The following APPL2 variants were observed in gnomAD, a reference collection of about 807,000 sequenced individuals.
The protein encoded by APPL2 is adaptor protein, phosphotyrosine interacting with PH domain and leucine zipper 2, also known as DCC-interacting protein 13-beta.
In APPL2, 84 loss-of-function variants were observed where a neutral mutation model predicts 92.7. That is an observed-to-expected ratio of 0.91 (90% CI 0.76 to 1.09). The LOEUF is 1.09. APPL2 is among the 50% of genes least tolerant of loss of function. The pLI, the probability that APPL2 is intolerant of heterozygous loss-of-function variation, is 0.00. For missense variants in APPL2, 736 were observed against 824.5 expected, an observed-to-expected ratio of 0.89 and a Z score of 1.31; for synonymous variants, 291 against 291.0, an observed-to-expected ratio of 1.00 and a Z score of 0.00.
rs761189842 is a variant in APPL2 at position 105,190,092 on chromosome 12, G to A, written c.1305C>T (p.Ala435=). 7.5e-5 allele frequency: 121 copies of A among 1,614,028 alleles called. No individual in the cohort carries two copies. The highest frequency in any genetic ancestry group is 9.9e-5 in the Non-Finnish European group (117 of 1,180,032). Residue 435 remains alanine, a synonymous_variant, in exon 15 of 21, where the codon GCC becomes GCT. Transcript: ENST00000258530. The part of the protein sequence containing the change: ...ENDKIVPKAT[A]SLPEAEELIA... ...TCAGCTCCTCTGCTTCAGGTAGACT[G>A]GCTGTTGCTTTGGGAACAATCTTGT...
chr12:105,203,767 CCTT>C lies in APPL2; in HGVS notation c.637_639del (p.Lys213del), dbSNP rs1282579736. The C allele has an allele frequency of 6.2e-7, 1 of 1,613,664 alleles. No individual in the cohort carries two copies. The highest frequency in any genetic ancestry group is 2.2e-5 in the East Asian group (1 of 44,900). ...ATACGTTTGGAAAACATCTCTGCTC[CCTT>C]CTTAAAAAAGTTAATCTGAAAGATA... On this transcript the variant is annotated inframe_deletion, in exon 9 of 21. Coordinates refer to ENST00000258530, the MANE Select transcript of APPL2 (RefSeq NM_018171.5).
At chr12:105,225,079 A>G (rs988292128) in intron 2 of APPL2, among the ~76,000 whole-genome samples, 4 of 151,990 alleles carry the variant, frequency 2.6e-5, no homozygotes, top group African/African-American at 9.7e-5. Flanking sequence ...GTTAAATTAA[A>G]CCTGCTTTGC....
intron 17 of APPL2, among the ~76,000 whole-genome samples, chr12:105,185,299 G>T (rs1886501049): frequency 6.6e-6 from 1 of 152,174 alleles, no homozygotes; most frequent in East Asian, 1.9e-4. Flanking sequence ...GACGCCACTG[G>T]GGTGCGAAAA....
intron 9 of APPL2, among the ~76,000 whole-genome samples, chr12:105,200,348 G>C (rs1888052240): frequency 6.6e-6 from 1 of 152,250 alleles, no homozygotes; most frequent in Admixed American, 6.5e-5. Flanking sequence ...TGACCAGGAA[G>C]TGGTACTAAG....
At chr12:105,175,173 C>A (rs1276365148) in intron 20 of APPL2, among the ~76,000 whole-genome samples, 1 of 152,198 alleles carries the variant, frequency 6.6e-6, no homozygotes, top group Admixed American at 6.5e-5. Context: ...CATAAGCCAC[C>A]ATGCCTGGCC....
rs754194004 is a variant in APPL2, at chr12:105,188,291, A to G, written c.1616T>C (p.Val539Ala). The change falls in exon 17 of 21, where the codon GTC (valine) becomes GCC (alanine). Residue 539 changes from valine (V) to alanine (A), a missense_variant. Physicochemically the swap from Val to Ala is moderately conservative, Grantham distance 64. Coordinates refer to ENST00000258530, the MANE Select transcript of APPL2 (RefSeq NM_018171.5). ...IFRMTESHLM[V>A]TSQSLRLIDP... ...AACGTACCTCAAAGATTGACTGGTG[A>G]CCATCAGATGGGATTCTGTCATGCG... The G allele has an allele frequency of 1.2e-6, 2 of 1,614,168 alleles. No homozygotes were observed. Among genetic ancestry groups the G allele is most frequent in the African/African-American group, 2.7e-5 (2 of 75,062 alleles).
intron 20 of APPL2, among the ~76,000 whole-genome samples, chr12:105,175,669 T>G (rs893588651): frequency 3.3e-5 from 5 of 152,158 alleles, no homozygotes; most frequent in Non-Finnish European, 5.9e-5. Context: ...TCTTAAAAGC[T>G]CCCAGGTGAC....
chr12:105,226,630 T>TA (rs1470195209), intron 2 of APPL2, among the ~76,000 whole-genome samples: 1 of 152,234 alleles, frequency 6.6e-6, no homozygotes, highest in Non-Finnish European at 1.5e-5. Context: ...CTTGGGTTTT[T>TA]AAGCCTTAAA....
rs1443665866 is a variant in APPL2 at position 105,174,058 on chromosome 12, C to CT, written c.*255dup. On this transcript the variant is annotated 3_prime_UTR_variant, in exon 21 of 21. Coordinates refer to ENST00000258530, the MANE Select transcript of APPL2 (RefSeq NM_018171.5). ...ACTTTTGTTCTGAGCGCTGAACAAT[C>CT]TAAGAAATTTTAGCGCAATCTAAGA... 1.4e-5 allele frequency: 5 copies of CT among 362,028 alleles called. No individual in the cohort carries two copies. The highest frequency in any genetic ancestry group is 2.4e-5 in the Non-Finnish European group (5 of 205,034). The allele number at this position is 362,028 out of a possible 1,614,324, so 22.4% of individuals were successfully genotyped here.
At chr12:105,186,178 T>C (rs1398898130) in intron 17 of APPL2, among the ~76,000 whole-genome samples, 2 of 152,150 alleles carry the variant, frequency 1.3e-5, no homozygotes, top group African/African-American at 4.8e-5. Context: ...GTATCTGAAA[T>C]TGTTTTGGAT....
intron 6 of APPL2, 44 bp from the exon 7 acceptor site, chr12:105,208,073 G>A (rs773936084): frequency 5.7e-5 from 92 of 1,613,402 alleles, no homozygotes; most frequent in Non-Finnish European, 6.8e-5. Flanking sequence ...GGTCAGGGTC[G>A]AAAGGGAAGA....
chr12:105,177,310 A>G (rs375472756), intron 17 of APPL2, 48 bp from the exon 18 acceptor site: 2 of 1,563,010 alleles, frequency 1.3e-6, no homozygotes, highest in African/African-American at 2.7e-5. Context: ...GATAAATTTA[A>G]TATTCCTAGA....
chr12:105,209,157 G>C (rs1300396748), intron 5 of APPL2, among the ~76,000 whole-genome samples: 2 of 151,710 alleles, frequency 1.3e-5, no homozygotes, highest in Admixed American at 1.3e-4. Context: ...AATATCTCTT[G>C]CGTTCTCTTC....
At chr12:105,177,305 A>G in intron 17 of APPL2, 43 bp from the exon 18 acceptor site, 2 of 1,573,594 alleles carry the variant, frequency 1.3e-6, no homozygotes, top group South Asian at 2.2e-5. Context: ...TGTTGGATAA[A>G]TTTAATATTC....
At chr12:105,216,386 C>G (rs1003647233) in intron 4 of APPL2, among the ~76,000 whole-genome samples, 3 of 151,814 alleles carry the variant, frequency 2.0e-5, no homozygotes, top group African/African-American at 4.8e-5. Flanking sequence ...AAAAATAAAC[C>G]CTTTGTAGTG....
intron 17 of APPL2, among the ~76,000 whole-genome samples, chr12:105,178,479 A>G (rs1885771820): frequency 1.3e-5 from 2 of 152,208 alleles, no homozygotes; most frequent in African/African-American, 4.8e-5. Flanking sequence ...AACTCTGAAT[A>G]TACTAGAAAC....
At position 105,221,977 on chromosome 12, in the gene APPL2, G is replaced by C. The variant is rs3794233; in HGVS notation, c.154-4252C>G. ...TGAATATGAATGGAGAGGCTAGAGA[G>C]TGGGGTGGAGGAAATCCACATCGAT... On this transcript the variant is annotated intron_variant, in intron 2 of 20. Coordinates refer to ENST00000258530, the MANE Select transcript of APPL2 (RefSeq NM_018171.5). Among the ~76,000 whole-genome samples the C allele has an allele frequency of 7.1e-4, 108 of 152,364 alleles. 2 individuals carry two copies. The East Asian group carries it at 0.019, about 26-fold the overall frequency.
intron 20 of APPL2, among the ~76,000 whole-genome samples, chr12:105,174,882 G>GTC (rs1566042521): frequency 3.7e-5 from 4 of 108,214 alleles, no homozygotes; most frequent in Admixed American, 8.5e-5. Context: ...TTGGTGGGGG[G>GTC]GGGGGTGGTG....
rs9143 is a variant in APPL2, at chr12:105,173,833, A to G, written c.*481T>C. 76,326 of 152,456 alleles carry G rather than the reference A, an allele frequency of 0.5. 19,304 individuals carry two copies. The highest frequency in any genetic ancestry group is 0.68 in the Middle Eastern group (200 of 294). 9.4% of individuals were successfully genotyped at this position (152,456 alleles called of 1,614,324 possible). On this transcript the variant is annotated 3_prime_UTR_variant, in exon 21 of 21. Coordinates refer to ENST00000258530, the MANE Select transcript of APPL2 (RefSeq NM_018171.5). Reference sequence around the variant, plus strand: ...CAAAGAAATGCTATTAGGTCCAATTATGAGATAAGCTGAATTATAAATACA... The same window carrying G: ...CAAAGAAATGCTATTAGGTCCAATTGTGAGATAAGCTGAATTATAAATACA...
Sources: gnomAD v4.1 joint callset for allele counts (sites outside exome capture counted in the v4.1 genomes callset) on GRCh38, gnomAD v4.1.1 for gene constraint, MANE v1.5 for transcripts, NCBI Gene and HGNC (gene_info 2026-07-23, HGNC 2026-07-21) for gene names.